MAF: variants seen among roughly 807,000 people sequenced by gnomAD.
MAF encodes the protein transcription factor Maf.
MAF carries 10 observed loss-of-function variants against 22.0 expected under a neutral mutation model. The ratio of observed to expected loss-of-function variants is 0.45; its 90% confidence interval spans 0.28 to 0.77. MAF has a LOEUF of 0.77. MAF is among the 30% of genes least tolerant of loss of function. The probability of loss-of-function intolerance (pLI) is 0.12; values close to 1 mark genes in which losing one functional copy is unlikely to be tolerated. For synonymous variants in MAF, 337 were observed against 255.8 expected (o/e 1.32, Z -3.03); for missense variants, 544 against 548.4 (o/e 0.99, Z 0.08).
chr16:79,467,703 G>A, the MAF span, among the ~76,000 whole-genome samples: 8 of 152,142 alleles, frequency 5.3e-5, no homozygotes, highest in Admixed American at 1.3e-4. Context: ...TCTGGGGCTG[G>A]GGCCCTGCAG....
chr16:79,457,384 C>T, the MAF span, among the ~76,000 whole-genome samples: 165 of 108,828 alleles, frequency 1.5e-3, no homozygotes, highest in Non-Finnish European at 2.6e-3. Context: ...TTGAGTAGCA[C>T]TTTGGTTTTT....
At chr16:79,537,705 C>T in the MAF span, among the ~76,000 whole-genome samples, 8 of 152,174 alleles carry the variant, frequency 5.3e-5, no homozygotes, top group East Asian at 3.8e-4. Flanking sequence ...AGATCCACCA[C>T]CTTGAAATGT....
At chr16:79,536,014 G>C in the MAF span, among the ~76,000 whole-genome samples, 1 of 152,164 alleles carries the variant, frequency 6.6e-6, no homozygotes, top group Non-Finnish European at 1.5e-5. Flanking sequence ...TCAGGATTAT[G>C]TCCAATTATG....
chr16:79,507,746 C>T, the MAF span, among the ~76,000 whole-genome samples: 3 of 152,184 alleles, frequency 2.0e-5, no homozygotes, highest in African/African-American at 7.2e-5. Context: ...TTCTACTCAA[C>T]ATGTGTTTGG....
chr16:79,562,457 G>C, the MAF span, among the ~76,000 whole-genome samples: 2 of 152,126 alleles, frequency 1.3e-5, no homozygotes, highest in Non-Finnish European at 2.9e-5. Flanking sequence ...AGGAGTCAGA[G>C]ATATAGTTAT....
chr16:79,439,422 C>T, the MAF span, among the ~76,000 whole-genome samples: 1 of 151,770 alleles, frequency 6.6e-6, no homozygotes, highest in East Asian at 1.9e-4. Flanking sequence ...TCACCATGCC[C>T]GGCTAATTTT....
At chr16:79,324,418 TTCGGATTCTGCAGGGCCGACTTTGGGAC>T in the MAF span, among the ~76,000 whole-genome samples, 1 of 152,188 alleles carries the variant, frequency 6.6e-6, no homozygotes, top group Non-Finnish European at 1.5e-5. Flanking sequence ...TTTCATTATA[TTCGGATTCTGCAGGGCCGACTTTGGGAC>T]TCGAGTATGC....
At chr16:79,579,755 C>A in the MAF span, among the ~76,000 whole-genome samples, 1 of 152,136 alleles carries the variant, frequency 6.6e-6, no homozygotes, top group African/African-American at 2.4e-5. Context: ...AGGATCTCAT[C>A]TTTCCTAAAG....
At chr16:79,513,232 G>A in the MAF span, among the ~76,000 whole-genome samples, 1 of 152,254 alleles carries the variant, frequency 6.6e-6, no homozygotes, top group African/African-American at 2.4e-5. Flanking sequence ...CTCAGCAGTA[G>A]CTTAGAGGCA....
the MAF span, among the ~76,000 whole-genome samples, chr16:79,312,055 C>G: frequency 1.1e-4 from 17 of 152,156 alleles, no homozygotes; most frequent in African/African-American, 4.1e-4. Flanking sequence ...ATTTTTCACT[C>G]TGCTTTCTTC....
the MAF span, among the ~76,000 whole-genome samples, chr16:79,400,026 T>G: frequency 2.2e-4 from 34 of 152,340 alleles, no homozygotes; most frequent in African/African-American, 8.2e-4. Context: ...GTAATGGCAG[T>G]ACCCGACACA....
chr16:79,273,085 T>C, the MAF span, among the ~76,000 whole-genome samples: 5 of 152,236 alleles, frequency 3.3e-5, no homozygotes. Flanking sequence ...GTTGGAATTC[T>C]TGTTTTGCTC....
the MAF span, among the ~76,000 whole-genome samples, chr16:79,406,908 T>A: frequency 9.2e-4 from 140 of 152,206 alleles, 1 homozygote; most frequent in Non-Finnish European, 1.7e-3. Flanking sequence ...CCAGAGCCAG[T>A]AGGGGCTGGG....
chr16:79,524,839 T>C, the MAF span, among the ~76,000 whole-genome samples: 2 of 152,226 alleles, frequency 1.3e-5, no homozygotes, highest in Non-Finnish European at 2.9e-5. Flanking sequence ...GGCAGACAGA[T>C]TCTGTGCTGT....
At chr16:79,522,092 G>A in the MAF span, among the ~76,000 whole-genome samples, 1 of 152,166 alleles carries the variant, frequency 6.6e-6, no homozygotes, top group Non-Finnish European at 1.5e-5. Flanking sequence ...TAGGGGGATA[G>A]AGACAGCATC....
chr16:79,263,145 C>G, the MAF span, among the ~76,000 whole-genome samples: 1 of 152,168 alleles, frequency 6.6e-6, no homozygotes, highest in African/African-American at 2.4e-5. Context: ...GTGAACTAGG[C>G]AGACACGGCC....
At chr16:79,342,572 A>G in the MAF span, among the ~76,000 whole-genome samples, 1 of 152,040 alleles carries the variant, frequency 6.6e-6, no homozygotes, top group African/African-American at 2.4e-5. Context: ...TACCATCACC[A>G]TCACCATCAC....
the MAF span, among the ~76,000 whole-genome samples, chr16:79,222,874 TC>T: frequency 6.6e-6 from 1 of 152,124 alleles, no homozygotes; most frequent in East Asian, 1.9e-4. Flanking sequence ...TAAAGCAAGT[TC>T]TTAAAGACCT....
At chr16:79,343,129 G>A in the MAF span, among the ~76,000 whole-genome samples, 1 of 152,154 alleles carries the variant, frequency 6.6e-6, no homozygotes, top group Non-Finnish European at 1.5e-5. Context: ...GAGCAAAGAG[G>A]CATTCACGTC....
Sources: allele counts gnomAD v4.1 joint callset (sites outside exome capture counted in the v4.1 genomes callset), GRCh38; gene constraint gnomAD v4.1.1; transcripts MANE v1.5; gene names NCBI Gene and HGNC (gene_info 2026-07-23, HGNC 2026-07-21).